The following RELN variants were observed in gnomAD, a reference collection of about 807,000 sequenced individuals.
RELN encodes reelin.
In RELN, 108 loss-of-function variants were observed where a neutral mutation model predicts 427.6. The observed-to-expected ratio is 0.25, with a 90% CI of 0.22 to 0.30. The LOEUF is 0.30. RELN is among the 10% of genes least tolerant of loss of function. The probability of loss-of-function intolerance (pLI) is 1.00; values close to 1 mark genes in which losing one functional copy is unlikely to be tolerated. For synonymous variants in RELN, 1,524 were observed against 1,513.4 expected (o/e 1.01, Z -0.16); for missense variants, 3,715 against 4,302.8 (o/e 0.86, Z 3.82).
intron 46 of RELN, among the ~76,000 whole-genome samples, chr7:103,531,502 G>C (rs985942942): frequency 7.9e-5 from 12 of 152,198 alleles, no homozygotes; most frequent in Non-Finnish European, 1.3e-4. Flanking sequence ...TCCTAGTTAG[G>C]AGCACCAGCA....
intron 1 of RELN, among the ~76,000 whole-genome samples, chr7:103,955,937 C>G (rs1369136074): frequency 1.3e-5 from 2 of 152,138 alleles, no homozygotes; most frequent in Non-Finnish European, 2.9e-5. Context: ...ATCGGGATAG[C>G]CTTGTGGGCC....
At chr7:103,751,329 C>T (rs757527814) in intron 5 of RELN, among the ~76,000 whole-genome samples, 3 of 152,006 alleles carry the variant, frequency 2.0e-5, no homozygotes, top group Non-Finnish European at 4.4e-5. Context: ...AAATTACTTC[C>T]CAATATCAGG....
Position 103,480,187 on chromosome 7 carries a change from A to C in RELN, c.10281-1793T>G, listed in dbSNP as rs75748805. Among the ~76,000 whole-genome samples, 21 of 152,300 alleles carry C rather than the reference A, an allele frequency of 1.4e-4. No homozygotes were observed. The East Asian group carries it at 3.9e-3, about 28-fold the overall frequency. On this transcript the variant is annotated intron_variant, in intron 63 of 64. Coordinates refer to ENST00000428762, the MANE Select transcript of RELN (RefSeq NM_005045.4). ...TGATACAAAAATGCAGTTAATTAAGAGAATGCTTTCAGTTAATAGGGGTTT... is the reference window on the plus strand; with the variant it reads ...TGATACAAAAATGCAGTTAATTAAGCGAATGCTTTCAGTTAATAGGGGTTT...
At chr7:103,895,902 G>A (rs1794949154) in intron 2 of RELN, among the ~76,000 whole-genome samples, 1 of 151,938 alleles carries the variant, frequency 6.6e-6, no homozygotes, top group African/African-American at 2.4e-5. Flanking sequence ...AAAAAGAATA[G>A]GCAAGCCATG....
At chr7:103,746,015 T>A (rs2116044471) in intron 6 of RELN, among the ~76,000 whole-genome samples, 1 of 152,180 alleles carries the variant, frequency 6.6e-6, no homozygotes, top group Middle Eastern at 3.4e-3. Context: ...GACTTCAAAC[T>A]ATACTACAAG....
At chr7:103,801,258 G>A (rs1303297220) in intron 3 of RELN, among the ~76,000 whole-genome samples, 1 of 152,160 alleles carries the variant, frequency 6.6e-6, no homozygotes, top group Non-Finnish European at 1.5e-5. Flanking sequence ...TATAAATCAT[G>A]CTACTTTAAA....
At chr7:103,898,604 C>T (rs12540676) in intron 2 of RELN, among the ~76,000 whole-genome samples, 51,191 of 151,808 alleles carry the variant, frequency 0.34, 9,181 homozygotes, top group Non-Finnish European at 0.41. Flanking sequence ...ATTGAGTGTG[C>T]GTAATTTTAA....
In RELN at chr7:103,503,019, C is replaced by T. The variant is rs757776175; in HGVS notation, c.8486G>A (p.Gly2829Glu). The stretch of plus-strand genomic sequence containing the variant: ...TTTGTTTTAGTTTTCTACTTACTTT[C>T]CCACTAAGCTTTCAGGAAGTGGGTA... Reference protein sequence around the residue: ...ITYPLPESLVGNPVRFRFYQK... With the variant: ...ITYPLPESLVENPVRFRFYQK... The change falls in exon 52 of 65, where the codon GGA becomes GAA. Residue 2829 changes from glycine (G) to glutamate (E), a missense_variant. Coordinates refer to ENST00000428762, the MANE Select transcript of RELN (RefSeq NM_005045.4). The T allele has an allele frequency of 4.3e-6, 7 of 1,613,390 alleles. No homozygotes were observed. Among genetic ancestry groups the T allele is most frequent in the South Asian group, 1.1e-5 (1 of 91,036 alleles).
chr7:103,695,870 A>G (rs1181901906), intron 10 of RELN, among the ~76,000 whole-genome samples: 1 of 152,160 alleles, frequency 6.6e-6, no homozygotes, highest in East Asian at 1.9e-4. Flanking sequence ...CTCTTGAAGG[A>G]GCCATGACTT....
chr7:103,497,776 T>C, intron 55 of RELN, 44 bp downstream of exon 55: 1 of 1,511,278 alleles, frequency 6.6e-7, no homozygotes. Context: ...TGGATGGAAT[T>C]TGGGAATCTG....
At chr7:103,924,694 C>A (rs1795687103) in intron 1 of RELN, among the ~76,000 whole-genome samples, 1 of 152,070 alleles carries the variant, frequency 6.6e-6, no homozygotes, top group Admixed American at 6.6e-5. Flanking sequence ...TCAGATGAAC[C>A]ACACGTAGCC....
At chr7:103,951,174 C>T (rs1382277206) in intron 1 of RELN, among the ~76,000 whole-genome samples, 5 of 152,284 alleles carry the variant, frequency 3.3e-5, no homozygotes, top group African/African-American at 1.2e-4. Context: ...TCCAATCTAC[C>T]AGCAATCAGA....
At chr7:103,975,703 G>A (rs1180522944) in intron 1 of RELN, among the ~76,000 whole-genome samples, 2 of 147,912 alleles carry the variant, frequency 1.4e-5, no homozygotes, top group South Asian at 2.2e-4. Flanking sequence ...CCGCCACCAC[G>A]CCTGGCTGAT....
chr7:103,985,449 C>T (rs1797077093), intron 1 of RELN, among the ~76,000 whole-genome samples: 1 of 152,166 alleles, frequency 6.6e-6, no homozygotes, highest in South Asian at 2.1e-4. Context: ...TTACTTAACG[C>T]TTGTCTTTCA....
intron 27 of RELN, among the ~76,000 whole-genome samples, chr7:103,592,645 T>G (rs1831446117): frequency 6.6e-6 from 1 of 152,226 alleles, no homozygotes; most frequent in Non-Finnish European, 1.5e-5. Flanking sequence ...TTTAACACTA[T>G]TTTTTAAATT....
rs149679546 is a variant in RELN, at chr7:103,794,857, T to C, written c.474-18230A>G. Among the ~76,000 whole-genome samples the C allele has an allele frequency of 1.2e-3, 185 of 152,246 alleles. 3 individuals are homozygous for C. Among genetic ancestry groups the C allele is most frequent in the African/African-American group, 4.2e-3 (173 of 41,556 alleles). On this transcript the variant is annotated intron_variant, in intron 3 of 64. Transcript: ENST00000428762. ...TATTATCAAATGTCCCCTGGGAGCA[T>C]AGGTAAAATCACAGCTGATTCAGAA...
chr7:103,689,799 C>G (rs1261434055), intron 10 of RELN, among the ~76,000 whole-genome samples: 1 of 152,146 alleles, frequency 6.6e-6, no homozygotes, highest in African/African-American at 2.4e-5. Context: ...TTGATGATAA[C>G]TTGTGGAAAG....
chr7:103,668,145 G>A (rs935000944), intron 11 of RELN, among the ~76,000 whole-genome samples: 4 of 152,142 alleles, frequency 2.6e-5, no homozygotes, highest in African/African-American at 7.2e-5. Context: ...CATGAGGATA[G>A]CTTGAACCTG....
At chr7:103,535,249 C>T (rs1830023092) in intron 46 of RELN, 67 bp downstream of exon 46, 2 of 1,482,918 alleles carry the variant, frequency 1.3e-6, no homozygotes, top group Non-Finnish European at 1.9e-6. Context: ...CTTGACATGC[C>T]AAATGTTATC....
Sources: allele counts gnomAD v4.1 joint callset (sites outside exome capture counted in the v4.1 genomes callset), GRCh38; gene constraint gnomAD v4.1.1; transcripts MANE v1.5; gene names NCBI Gene and HGNC (gene_info 2026-07-23, HGNC 2026-07-21).